DCAF6: variants seen among roughly 807,000 people sequenced by gnomAD.
DCAF6 encodes DDB1 and CUL4 associated factor 6.
DCAF6 carries 54 observed loss-of-function variants against 125.1 expected under a neutral mutation model. The ratio of observed to expected loss-of-function variants is 0.43; its 90% CI spans 0.35 to 0.54. The LOEUF (loss-of-function observed/expected upper bound fraction) is 0.54, where lower values mean the gene tolerates loss of function less well. Among genes scored for constraint, DCAF6 ranks in the 20% least tolerant of loss-of-function variants. DCAF6 has a pLI of 0.01. For synonymous variants in DCAF6, 371 were observed against 390.4 expected (o/e 0.95, Z 0.58); for missense variants, 934 against 1,161.7 (o/e 0.80, Z 2.85).
intron 1 of DCAF6, among the ~76,000 whole-genome samples, chr1:167,940,414 T>C (rs185088762): frequency 6.6e-6 from 1 of 151,752 alleles, no homozygotes; most frequent in Non-Finnish European, 1.5e-5. Context: ...TTTTGCTCTG[T>C]CTCCCAGGCT....
chr1:167,940,716 A>G (rs1168942248), intron 1 of DCAF6, among the ~76,000 whole-genome samples: 1 of 152,196 alleles, frequency 6.6e-6, no homozygotes, highest in Non-Finnish European at 1.5e-5. Context: ...TTATTTCAAT[A>G]CATTGCTTGT....
rs114879636 is a variant in DCAF6 at position 168,001,449 on chromosome 1, A to G, written c.904-1033A>G. ...TTATAATTGATCAGTGAACTTGGCA[A>G]TTGATCATTCACTGGTGACTGGTGA... On this transcript the variant is annotated intron_variant, in intron 7 of 21. Transcript: ENST00000367840. 2.5e-3 allele frequency among the ~76,000 whole-genome samples: 388 copies of G among 152,282 alleles called. 2 individuals carry two copies. The highest frequency in any genetic ancestry group is 8.9e-3 in the African/African-American group (371 of 41,554).
the DCAF6 span, among the ~76,000 whole-genome samples, chr1:167,916,469 A>C: frequency 6.6e-6 from 1 of 152,146 alleles, no homozygotes; most frequent in African/African-American, 2.4e-5. Context: ...GGCCTCCCAA[A>C]GTGCTCGGAT....
At chr1:167,871,934 G>A in the DCAF6 span, among the ~76,000 whole-genome samples, 2 of 152,212 alleles carry the variant, frequency 1.3e-5, no homozygotes, top group East Asian at 3.9e-4. Flanking sequence ...TTCAAAGGCT[G>A]CATAGCTGCA....
At chr1:167,947,166 T>C (rs1289356970) in intron 1 of DCAF6, among the ~76,000 whole-genome samples, 1 of 152,158 alleles carries the variant, frequency 6.6e-6, no homozygotes, top group Non-Finnish European at 1.5e-5. Context: ...GAGTATATAG[T>C]TCATTATAGT....
chr1:168,031,267 C>T (rs1412159106), intron 12 of DCAF6, among the ~76,000 whole-genome samples: 1 of 152,004 alleles, frequency 6.6e-6, no homozygotes, highest in African/African-American at 2.4e-5. Flanking sequence ...ATTTTGCCAG[C>T]GAAGAGCTGG....
At chr1:167,889,327 A>T in the DCAF6 span, among the ~76,000 whole-genome samples, 1,852 of 152,316 alleles carry the variant, frequency 0.012, 36 homozygotes, top group African/African-American at 0.042. Flanking sequence ...ATCAACTGAA[A>T]TGATAATATG....
chr1:168,035,546 C>T (rs1374468454), intron 12 of DCAF6, among the ~76,000 whole-genome samples: 2 of 151,960 alleles, frequency 1.3e-5, no homozygotes, highest in East Asian at 1.9e-4. Flanking sequence ...GTGTAGGCTA[C>T]GAGGAAATAA....
chr1:167,929,475 T>A, the DCAF6 span, among the ~76,000 whole-genome samples: 1 of 152,260 alleles, frequency 6.6e-6, no homozygotes, highest in Non-Finnish European at 1.5e-5. Context: ...GTGAAACTCA[T>A]GTTTTTAAAT....
At chr1:168,073,625 A>T (rs1028222427) in intron 21 of DCAF6, among the ~76,000 whole-genome samples, 1 of 152,036 alleles carries the variant, frequency 6.6e-6, no homozygotes, top group Non-Finnish European at 1.5e-5. Flanking sequence ...CATCTTCTTT[A>T]TAATGTGACA....
At chr1:167,870,804 T>G in the DCAF6 span, among the ~76,000 whole-genome samples, 1 of 144,918 alleles carries the variant, frequency 6.9e-6, no homozygotes, top group African/African-American at 2.7e-5. Context: ...CAAAACTCCA[T>G]CTAAAAAAAA....
At chr1:167,908,485 G>C in the DCAF6 span, among the ~76,000 whole-genome samples, 3 of 152,136 alleles carry the variant, frequency 2.0e-5, no homozygotes, top group South Asian at 2.1e-4. Flanking sequence ...ATCTAACCTA[G>C]AGCAAGGTGA....
In DCAF6 at chr1:168,064,939, A is replaced by G. The variant is rs77120784; in HGVS notation, c.2440-651A>G. On this transcript the variant is annotated intron_variant, in intron 18 of 21. Coordinates refer to ENST00000367840, the MANE Select transcript of DCAF6 (RefSeq NM_001198956.2). ...ATTAAGTATGTTTGTATCTTTCTCA[A>G]TTGTGTTAGCTTATAATAGCTAATG... 9.5e-3 allele frequency among the ~76,000 whole-genome samples: 1,447 copies of G among 152,252 alleles called. 6 individuals carry two copies. Among genetic ancestry groups the G allele is most frequent in the African/African-American group, 0.022 (931 of 41,558 alleles).
intron 12 of DCAF6, among the ~76,000 whole-genome samples, chr1:168,033,125 T>A (rs1441045601): frequency 6.6e-6 from 1 of 152,126 alleles, no homozygotes; most frequent in Non-Finnish European, 1.5e-5. Context: ...TTTCACAGCG[T>A]GTGCATTACA....
chr1:167,934,040 T>C (rs1670989185), upstream of DCAF6, among the ~76,000 whole-genome samples: 2 of 152,246 alleles, frequency 1.3e-5, no homozygotes, highest in African/African-American at 4.8e-5. Flanking sequence ...CGTAGGTCTA[T>C]TTCCCTTCAA....
chr1:167,942,954 T>C (rs1024998902), intron 1 of DCAF6, among the ~76,000 whole-genome samples: 1 of 152,208 alleles, frequency 6.6e-6, no homozygotes, highest in African/African-American at 2.4e-5. Context: ...TCACCCAGGC[T>C]GGAGTGCAGT....
At chr1:168,032,722 C>T (rs1227256850) in intron 12 of DCAF6, among the ~76,000 whole-genome samples, 3 of 152,070 alleles carry the variant, frequency 2.0e-5, no homozygotes, top group Non-Finnish European at 4.4e-5. Flanking sequence ...GTTTTATTTT[C>T]ACATGTTCCA....
intron 10 of DCAF6, among the ~76,000 whole-genome samples, chr1:168,011,111 ATT>A (rs370763073): frequency 1.8e-3 from 196 of 110,342 alleles, no homozygotes; most frequent in African/African-American, 6.5e-3. Flanking sequence ...GACCATCAGA[ATT>A]TTTTTTTTTT....
intron 10 of DCAF6, among the ~76,000 whole-genome samples, chr1:168,015,479 A>G (rs538144373): frequency 8.7e-5 from 13 of 149,650 alleles, no homozygotes; most frequent in African/African-American, 2.2e-4. Context: ...ATTTTGTTCT[A>G]TGTTCATTTT....
Sources: gnomAD v4.1 joint callset for allele counts (sites outside exome capture counted in the v4.1 genomes callset) on GRCh38, gnomAD v4.1.1 for gene constraint, MANE v1.5 for transcripts, NCBI Gene and HGNC (gene_info 2026-07-23, HGNC 2026-07-21) for gene names.